Variants in VPS39 observed in about 807,000 individuals in gnomAD.
VPS39 encodes VPS39 subunit of HOPS complex.
VPS39 carries 70 observed loss-of-function variants against 121.0 expected under a neutral mutation model. The ratio of observed to expected loss-of-function variants is 0.58; its 90% CI spans 0.48 to 0.71. The LOEUF (loss-of-function observed/expected upper bound fraction) is 0.71, where lower values mean the gene tolerates loss of function less well. Ranked by LOEUF, VPS39 falls within the 30% of genes least tolerant of loss-of-function variation. The pLI is 0.00. For missense variants in VPS39, 818 were observed against 1,051.5 expected, an observed-to-expected ratio of 0.78 and a Z score of 3.07; for synonymous variants, 378 against 398.1, an observed-to-expected ratio of 0.95 and a Z score of 0.60.
intron 1 of VPS39, 112 bp from the exon 2 acceptor site, chr15:42,200,073 C>A: frequency 1.0e-6 from 1 of 1,004,346 alleles, no homozygotes; most frequent in South Asian, 2.1e-5. Flanking sequence ...AATCAGAAAT[C>A]AATGTGTCAA....
intron 2 of VPS39, among the ~76,000 whole-genome samples, chr15:42,193,027 A>C (rs917399170): frequency 2.6e-5 from 4 of 151,916 alleles, no homozygotes; most frequent in Admixed American, 6.6e-5. Context: ...TGATCCACCC[A>C]CCTCGGCCTT....
In VPS39 at chr15:42,178,185, A is replaced by G. The variant is rs1359061269; in HGVS notation, c.960+33T>C. The G allele has an allele frequency of 1.9e-6, 3 of 1,612,748 alleles. No individual in the cohort carries two copies. The South Asian group carries it at 3.3e-5, about 18-fold the overall frequency. On this transcript the variant is annotated intron_variant, in intron 10 of 24. Coordinates refer to ENST00000318006, the MANE Select transcript of VPS39 (RefSeq NM_015289.5). ...CAAATCACCTACTTTCAAGAACAAT[A>G]AGGAAGGAAGACTAGTCAGGAACAA...
At chr15:42,164,783 C>T in intron 18 of VPS39, 4 of 1,433,492 alleles carry the variant, frequency 2.8e-6, no homozygotes, top group East Asian at 2.5e-5. Flanking sequence ...CGAGGGATGA[C>T]TCTGAGACAC....
intron 8 of VPS39, among the ~76,000 whole-genome samples, chr15:42,182,060 T>G (rs1437828027): frequency 6.6e-6 from 1 of 152,222 alleles, no homozygotes; most frequent in Non-Finnish European, 1.5e-5. Context: ...TATTTGCAAT[T>G]TATACTATCA....
intron 10 of VPS39, among the ~76,000 whole-genome samples, chr15:42,176,372 T>C (rs2049451896): frequency 6.6e-6 from 1 of 152,066 alleles, no homozygotes; most frequent in South Asian, 2.1e-4. Context: ...TTTAAACGTA[T>C]ACTAAATATG....
chr15:42,194,197 G>A lies in VPS39; in HGVS notation c.140-2637C>T, dbSNP rs192466703. ...AAAAACAAACTGGCCAGGTGTGGTG[G>A]TTCACGCCTGTAATCCCAGCACTTT... On this transcript the variant is annotated intron_variant, in intron 2 of 24. Transcript: ENST00000318006. 3.3e-3 allele frequency among the ~76,000 whole-genome samples: 497 copies of A among 152,244 alleles called. 3 individuals are homozygous for A. The highest frequency in any genetic ancestry group is 3.7e-3 in the Non-Finnish European group (249 of 68,026).
At position 42,208,136 on chromosome 15, in the gene VPS39, C is replaced by T. The variant is rs1395158394; in HGVS notation, c.18G>A (p.Glu6=). The T allele has an allele frequency of 1.9e-6, 3 of 1,578,582 alleles. No individual in the cohort carries two copies. The highest frequency in any genetic ancestry group is 1.2e-5 in the South Asian group (1 of 86,210). The change falls in exon 1 of 25, where the codon GAG becomes GAA. Residue 6 remains glutamate (E), a synonymous_variant. Transcript: ENST00000318006. ...GCAGCTTTTCTAGGATCGGCACTGG[C>T]TCGAAAGCGTCGTGCATGGCGGCAA... MHDAF[E]PVPILEKLPL...
chr15:42,178,132 A>G (rs990570730), intron 10 of VPS39, 86 bp downstream of exon 10: 49 of 1,581,922 alleles, frequency 3.1e-5, no homozygotes, highest in Non-Finnish European at 4.1e-5. Context: ...TATTCTACTA[A>G]CCCAAAATAA....
At chr15:42,192,792 T>G (rs186506593) in intron 2 of VPS39, among the ~76,000 whole-genome samples, 2,283 of 152,310 alleles carry the variant, frequency 0.015, 50 homozygotes, top group African/African-American at 0.05. Context: ...GTTTTGTTTT[T>G]TTTTGAGACA....
At position 42,191,539 on chromosome 15, in the gene VPS39, G is replaced by A; in HGVS notation, c.161C>T (p.Thr54Ile). 6.2e-7 allele frequency: 1 copy of A among 1,613,986 alleles called. No homozygotes were observed. The highest frequency in any genetic ancestry group is 1.3e-5 in the African/African-American group (1 of 75,028). Residue 54 changes from threonine (T) to isoleucine (I), a missense_variant, in exon 3 of 25, where the codon ACA becomes ATA. By Grantham distance (89) the Thr-to-Ile change is moderately conservative (BLOSUM62 -1). Transcript: ENST00000318006. ...GAAGTTCTTATTGGATTTCTCTAGT[G>A]TCACTTCAAATCTGTTGCAACCTAT... Reference protein sequence around the residue: ...KDVGCNRFEVTLEKSNKNFSK... With the variant: ...KDVGCNRFEVILEKSNKNFSK...
chr15:42,170,741 A>ATTTT (rs869280235), intron 11 of VPS39, among the ~76,000 whole-genome samples: 18,649 of 50,466 alleles, frequency 0.37, 7,331 homozygotes, highest in Non-Finnish European at 0.48. Context: ...ATGCTCGCAG[A>ATTTT]TTTTTTTTTT....
chr15:42,195,595 C>T (rs905661394), intron 2 of VPS39, among the ~76,000 whole-genome samples: 1 of 152,132 alleles, frequency 6.6e-6, no homozygotes, highest in African/African-American at 2.4e-5. Context: ...AATAAAATAC[C>T]TAGGAATCCA....
At chr15:42,179,449 C>T (rs2049529180) in intron 8 of VPS39, among the ~76,000 whole-genome samples, 1 of 150,650 alleles carries the variant, frequency 6.6e-6, no homozygotes. Context: ...TGGTGGCAGG[C>T]GCCTGTAGTC....
At position 42,199,947 on chromosome 15, in the gene VPS39, C is replaced by T; in HGVS notation, c.88G>A (p.Val30Met). 1 of 1,581,438 alleles carries T rather than the reference C, an allele frequency of 6.3e-7. No homozygotes were observed. Among genetic ancestry groups the T allele is most frequent in the East Asian group, 2.3e-5 (1 of 43,344 alleles). The change falls in exon 2 of 25, where the codon GTG (valine) becomes ATG (methionine). Residue 30 changes from valine (V) to methionine (M), a missense_variant. Val to Met is a conservative substitution (Grantham distance 21, BLOSUM62 1). Coordinates refer to ENST00000318006, the MANE Select transcript of VPS39 (RefSeq NM_015289.5). ...CLAAWEEWLLVGTKQGHLLLY... is the reference protein window; with the variant it reads ...CLAAWEEWLLMGTKQGHLLLY... ...AGAAGATGTCCTTGTTTGGTTCCCACAAGAAGCCATTCCTCTGGAAAAACA... is the reference window on the plus strand; with the variant it reads ...AGAAGATGTCCTTGTTTGGTTCCCATAAGAAGCCATTCCTCTGGAAAAACA...
At chr15:42,179,622 TA>T (rs763647635) in intron 8 of VPS39, among the ~76,000 whole-genome samples, 164 of 117,634 alleles carry the variant, frequency 1.4e-3, no homozygotes, top group Non-Finnish European at 2.5e-3. Context: ...AATAAATAAA[TA>T]AAATAAAAAA....
intron 2 of VPS39, among the ~76,000 whole-genome samples, chr15:42,195,299 G>A (rs1280638418): frequency 6.6e-6 from 1 of 152,100 alleles, no homozygotes; most frequent in African/African-American, 2.4e-5. Flanking sequence ...AATTAACTGG[G>A]CATGATGGCA....
At position 42,184,663 on chromosome 15, in the gene VPS39, G is replaced by C; in HGVS notation, c.572C>G (p.Thr191Arg). ...GKGSIKELFP[T>R]GKQLEPLVAP... ...AACTAAGGGCTCCAGCTGTTTTCCTGTTGGAAAGAGCTCTTTGATGGACCC... is the reference window on the plus strand; with the variant it reads ...AACTAAGGGCTCCAGCTGTTTTCCTCTTGGAAAGAGCTCTTTGATGGACCC... The change falls in exon 8 of 25, where the codon ACA (threonine) becomes AGA (arginine). Residue 191 changes from threonine (T) to arginine (R), a missense_variant. Transcript: ENST00000318006. The C allele has an allele frequency of 6.2e-7, 1 of 1,613,918 alleles. No individual in the cohort carries two copies. Among genetic ancestry groups the C allele is most frequent in the Non-Finnish European group, 8.5e-7 (1 of 1,179,910 alleles).
In VPS39 at chr15:42,208,243, C is replaced by T. The variant is rs1031324928; in HGVS notation, c.-90G>A. 6 of 1,499,714 alleles carry T rather than the reference C, an allele frequency of 4.0e-6. No individual in the cohort carries two copies. Among genetic ancestry groups the T allele is most frequent in the Non-Finnish European group, 4.5e-6 (5 of 1,110,402 alleles). 92.9% of individuals were successfully genotyped at this position (1,499,714 alleles called of 1,614,324 possible). On this transcript the variant is annotated 5_prime_UTR_variant, in exon 1 of 25. Transcript: ENST00000318006. ...GAACGAGTCTGGGCTAAGGGTAGAC[C>T]GGGATCCGGCCAGGAACCCCCCGGC...
At chr15:42,175,176 G>T (rs557292336) in intron 10 of VPS39, among the ~76,000 whole-genome samples, 1 of 152,270 alleles carries the variant, frequency 6.6e-6, no homozygotes, top group Non-Finnish European at 1.5e-5. Flanking sequence ...AACTTTGGGA[G>T]GCTGAAGCGG....
Sources: gnomAD v4.1 joint callset for allele counts (sites outside exome capture counted in the v4.1 genomes callset) on GRCh38, gnomAD v4.1.1 for gene constraint, MANE v1.5 for transcripts, NCBI Gene and HGNC (gene_info 2026-07-23, HGNC 2026-07-21) for gene names.